The following BTBD7 variants were observed in gnomAD, a reference collection of about 807,000 sequenced individuals.
BTBD7 encodes BTB domain containing 7, also known as BTB/POZ domain-containing protein 7.
Under a neutral mutation model 99.9 loss-of-function variants are expected in BTBD7, and 38 were observed. The ratio of observed to expected loss-of-function variants is 0.38; its 90% CI spans 0.29 to 0.50. BTBD7 has a LOEUF of 0.50. BTBD7 is among the 20% of genes least tolerant of loss of function. BTBD7 has a pLI of 0.93. For missense variants in BTBD7, 1,170 were observed against 1,394.6 expected, an observed-to-expected ratio of 0.84 and a Z score of 2.57; for synonymous variants, 520 against 511.4, an observed-to-expected ratio of 1.02 and a Z score of -0.23.
chr14:93,288,394 T>C, intron 3 of BTBD7: 1 of 639,364 alleles, frequency 1.6e-6, no homozygotes, highest in Non-Finnish European at 2.8e-6. Flanking sequence ...GCTTCCATTA[T>C]ATCTTTCATT....
chr14:93,304,029 G>A (rs2053038596), intron 1 of BTBD7, among the ~76,000 whole-genome samples: 1 of 152,150 alleles, frequency 6.6e-6, no homozygotes, highest in South Asian at 2.1e-4. Context: ...GCTCTGGAAG[G>A]AGCCTGAAAA....
intron 3 of BTBD7, chr14:93,288,313 TTTTA>T (rs1361637195): frequency 6.8e-6 from 4 of 591,538 alleles, no homozygotes; most frequent in Non-Finnish European, 1.2e-5. Context: ...AATACTCTAG[TTTTA>T]TTTGTCTCCA....
At chr14:93,281,166 CTTTTTTT>C (rs566864647) in intron 3 of BTBD7, among the ~76,000 whole-genome samples, 1 of 138,092 alleles carries the variant, frequency 7.2e-6, no homozygotes, top group African/African-American at 2.7e-5. Context: ...ATGCCTGGCT[CTTTTTTT>C]TTTTTTTTTG....
intron 1 of BTBD7, among the ~76,000 whole-genome samples, chr14:93,327,159 A>G (rs1002443815): frequency 1.3e-5 from 2 of 152,252 alleles, no homozygotes; most frequent in African/African-American, 4.8e-5. Context: ...ACTCTGTCTC[A>G]AGAAAATTAA....
intron 1 of BTBD7, among the ~76,000 whole-genome samples, chr14:93,308,070 G>A (rs756923207): frequency 2.0e-5 from 3 of 151,944 alleles, no homozygotes; most frequent in Non-Finnish European, 4.4e-5. Context: ...CGAGGTGGGC[G>A]GATCATGAGG....
At chr14:93,320,526 G>T (rs1449359144) in intron 1 of BTBD7, among the ~76,000 whole-genome samples, 4 of 152,182 alleles carry the variant, frequency 2.6e-5, no homozygotes, top group Non-Finnish European at 5.9e-5. Flanking sequence ...TCAGGCTTTG[G>T]CAAGAACATT....
intron 10 of BTBD7, among the ~76,000 whole-genome samples, chr14:93,244,526 G>A (rs2052279318): frequency 6.6e-6 from 1 of 152,158 alleles, no homozygotes; most frequent in Admixed American, 6.5e-5. Flanking sequence ...GTGCGTGCCT[G>A]TAATCCCAGC....
At chr14:93,257,911 GCATAAAAGTAGAC>G (rs1322583331) in intron 5 of BTBD7, among the ~76,000 whole-genome samples, 1,943 of 152,150 alleles carry the variant, frequency 0.013, 37 homozygotes, top group African/African-American at 0.045. Context: ...GAACATTACT[GCATAAAAGTAGAC>G]CCTTTGATCT....
intron 1 of BTBD7, among the ~76,000 whole-genome samples, chr14:93,313,649 C>G (rs1006205944): frequency 4.6e-5 from 7 of 150,798 alleles, no homozygotes; most frequent in African/African-American, 1.5e-4. Flanking sequence ...AGGAAAGTAT[C>G]TGAATTTTTG....
At position 93,239,938 on chromosome 14, in the gene BTBD7, A is replaced by T. The variant is rs2052204155; in HGVS notation, c.*2335T>A. The T allele has an allele frequency of 6.6e-6, 1 of 152,180 alleles. No individual in the cohort carries two copies. Among genetic ancestry groups the T allele is most frequent in the Admixed American group, 6.5e-5 (1 of 15,278 alleles). The allele number at this position is 152,180 out of a possible 1,614,324, so 9.4% of individuals were successfully genotyped here. On this transcript the variant is annotated 3_prime_UTR_variant, in exon 11 of 11. Coordinates refer to ENST00000334746, the MANE Select transcript of BTBD7 (RefSeq NM_001002860.4). ...ATCCAAATTAGGTCTGTTGAGTCTT[A>T]CTTGCAGTACCGGCGCAGTACATGA...
At chr14:93,311,448 T>G (rs2053136838) in intron 1 of BTBD7, among the ~76,000 whole-genome samples, 1 of 152,224 alleles carries the variant, frequency 6.6e-6, no homozygotes, top group Non-Finnish European at 1.5e-5. Flanking sequence ...TAGGGATGCT[T>G]AATGCCTTTT....
chr14:93,317,503 C>T (rs947530107), intron 1 of BTBD7, among the ~76,000 whole-genome samples: 16 of 152,100 alleles, frequency 1.1e-4, no homozygotes, highest in Admixed American at 2.6e-4. Context: ...CACTACCACA[C>T]CCAGCTAATC....
At chr14:93,263,417 G>A (rs1330875799) in intron 4 of BTBD7, among the ~76,000 whole-genome samples, 2 of 152,234 alleles carry the variant, frequency 1.3e-5, no homozygotes, top group Non-Finnish European at 2.9e-5. Flanking sequence ...TGAAGCTACT[G>A]TCTTACAATC....
chr14:93,268,465 AAAT>A (rs2052565561), intron 3 of BTBD7, among the ~76,000 whole-genome samples: 1 of 152,226 alleles, frequency 6.6e-6, no homozygotes, highest in Admixed American at 6.5e-5. Flanking sequence ...AACTAAAAGC[AAAT>A]AATAATAGTA....
intron 3 of BTBD7, among the ~76,000 whole-genome samples, chr14:93,284,030 AG>A (rs1209570028): frequency 6.6e-6 from 1 of 151,792 alleles, no homozygotes; most frequent in Non-Finnish European, 1.5e-5. Flanking sequence ...TAACATTCTG[AG>A]TTATATAATT....
intron 7 of BTBD7, 120 bp downstream of exon 7, chr14:93,253,527 A>T: frequency 1.1e-6 from 1 of 901,544 alleles, no homozygotes; most frequent in Non-Finnish European, 1.5e-6. Flanking sequence ...ACTTACTTTC[A>T]TTTTCCCTAT....
rs755038079 is a variant in BTBD7, at chr14:93,242,861, T to C, written c.2811A>G (p.Glu937=). 12 of 1,614,148 alleles carry C rather than the reference T, an allele frequency of 7.4e-6. No individual in the cohort carries two copies. The Middle Eastern group carries it at 8.2e-4, about 111-fold the overall frequency. Residue 937 remains glutamate, a synonymous_variant, in exon 11 of 11, where the codon GAA becomes GAG. Transcript: ENST00000334746. ...AGAAATCCGGATATTCCTGTGGATT[T>C]TCTCTGGTGTCTGTTTTTTGCTCTA... ...HTLEQKTDTR[E]NPQEYPDFYD...
intron 1 of BTBD7, among the ~76,000 whole-genome samples, chr14:93,329,240 C>T (rs2139838630): frequency 6.6e-6 from 1 of 151,760 alleles, no homozygotes; most frequent in East Asian, 1.9e-4. Context: ...TAAAAAAATA[C>T]AAAAGATCAA....
chr14:93,243,951 A>C (rs2052269374), intron 10 of BTBD7: 1 of 164,706 alleles, frequency 6.1e-6, no homozygotes, highest in Admixed American at 6.4e-5. Context: ...CAGGGAGGGG[A>C]GGTAGAGAGG....
Sources: allele counts gnomAD v4.1 joint callset (sites outside exome capture counted in the v4.1 genomes callset), GRCh38; gene constraint gnomAD v4.1.1; transcripts MANE v1.5; gene names NCBI Gene and HGNC (gene_info 2026-07-23, HGNC 2026-07-21).